PPARGC1A: variants seen among roughly 807,000 people sequenced by gnomAD.
PPARGC1A encodes the protein peroxisome proliferator-activated receptor gamma coactivator 1-alpha.
Under a neutral mutation model 88.7 loss-of-function variants are expected in PPARGC1A, and 25 were observed. That is an observed-to-expected ratio of 0.28 (90% confidence interval 0.21 to 0.39). The LOEUF (loss-of-function observed/expected upper bound fraction) is 0.39. Among genes scored for constraint, PPARGC1A ranks in the 10% least tolerant of loss-of-function variants. The pLI is 1.00. For missense variants in PPARGC1A, 880 were observed against 968.7 expected (o/e 0.91, Z 1.22); for synonymous variants, 363 against 355.6 (o/e 1.02, Z -0.24).
the PPARGC1A span, among the ~76,000 whole-genome samples, chr4:24,266,528 T>G: frequency 1.3e-5 from 2 of 152,076 alleles, no homozygotes; most frequent in Non-Finnish European, 2.9e-5. Context: ...GTCAAGGAAC[T>G]TACATTATCC....
the PPARGC1A span, among the ~76,000 whole-genome samples, chr4:24,453,640 C>T: frequency 0.22 from 33,297 of 152,074 alleles, 4,198 homozygotes; most frequent in Non-Finnish European, 0.27. Flanking sequence ...ATTAGCTGGG[C>T]GTGGTGGCAC....
the PPARGC1A span, among the ~76,000 whole-genome samples, chr4:24,046,078 G>A: frequency 6.6e-6 from 1 of 152,102 alleles, no homozygotes; most frequent in African/African-American, 2.4e-5. Context: ...AGAAGATATA[G>A]AGTAACAATG....
At chr4:24,244,470 G>A in the PPARGC1A span, among the ~76,000 whole-genome samples, 1 of 152,132 alleles carries the variant, frequency 6.6e-6, no homozygotes, top group Non-Finnish European at 1.5e-5. Flanking sequence ...GCTTAGAAAG[G>A]CTAACTACCT....
chr4:24,182,567 T>A, the PPARGC1A span, among the ~76,000 whole-genome samples: 1 of 152,130 alleles, frequency 6.6e-6, no homozygotes, highest in African/African-American at 2.4e-5. Context: ...CTTGAGGAAC[T>A]GCCACACTGT....
At chr4:24,080,769 T>G in the PPARGC1A span, among the ~76,000 whole-genome samples, 1 of 152,080 alleles carries the variant, frequency 6.6e-6, no homozygotes, top group Non-Finnish European at 1.5e-5. Flanking sequence ...GGGTTTAGAG[T>G]AGAAATATAT....
the PPARGC1A span, among the ~76,000 whole-genome samples, chr4:24,212,793 C>G: frequency 6.6e-5 from 10 of 152,292 alleles, 1 homozygote; most frequent in South Asian, 1.7e-3. Flanking sequence ...CTTGGCAGCC[C>G]ACACGTATCC....
At chr4:24,464,537 CT>C in the PPARGC1A span, among the ~76,000 whole-genome samples, 1 of 152,102 alleles carries the variant, frequency 6.6e-6, no homozygotes, top group Non-Finnish European at 1.5e-5. Context: ...TTCTTTGCAT[CT>C]TTTTTGCTTG....
At chr4:24,388,153 A>AC in the PPARGC1A span, among the ~76,000 whole-genome samples, 1 of 151,492 alleles carries the variant, frequency 6.6e-6, no homozygotes, top group East Asian at 1.9e-4. Context: ...GAAAAAAAAA[A>AC]CATCAAAAAG....
At chr4:24,397,960 T>A in the PPARGC1A span, among the ~76,000 whole-genome samples, 1 of 152,226 alleles carries the variant, frequency 6.6e-6, no homozygotes, top group Admixed American at 6.5e-5. Context: ...CTTCCTACAC[T>A]GAATATGAGC....
At chr4:24,012,834 A>C in the PPARGC1A span, among the ~76,000 whole-genome samples, 1 of 152,194 alleles carries the variant, frequency 6.6e-6, no homozygotes, top group Non-Finnish European at 1.5e-5. Flanking sequence ...ATTTATTTGC[A>C]GCATTCCTTT....
chr4:24,186,604 G>T, the PPARGC1A span, among the ~76,000 whole-genome samples: 2 of 152,148 alleles, frequency 1.3e-5, no homozygotes, highest in Admixed American at 1.3e-4. Flanking sequence ...GTCAGGTGGT[G>T]AGGAAGGGCT....
the PPARGC1A span, among the ~76,000 whole-genome samples, chr4:24,072,094 C>T: frequency 2.4e-4 from 35 of 147,842 alleles, no homozygotes; most frequent in African/African-American, 8.4e-4. Flanking sequence ...TAGTATTAGT[C>T]CTCTTCAATA....
At chr4:24,263,456 T>TACACACACACACACACAC in the PPARGC1A span, among the ~76,000 whole-genome samples, 12 of 150,190 alleles carry the variant, frequency 8.0e-5, no homozygotes, top group Admixed American at 2.0e-4. Flanking sequence ...TGTGGGTGTA[T>TACACACACACACACACAC]ACACACACAC....
the PPARGC1A span, among the ~76,000 whole-genome samples, chr4:24,428,182 C>G: frequency 6.6e-6 from 1 of 152,000 alleles, no homozygotes; most frequent in Non-Finnish European, 1.5e-5. Flanking sequence ...CTGAGAAGCT[C>G]TGGTCTAGAT....
At chr4:23,852,042 C>A (rs1246743116) in intron 2 of PPARGC1A, among the ~76,000 whole-genome samples, 1 of 152,146 alleles carries the variant, frequency 6.6e-6, no homozygotes, top group Non-Finnish European at 1.5e-5. Flanking sequence ...CTAGTTTTCT[C>A]CATCAATTCA....
At chr4:24,376,851 T>C in the PPARGC1A span, among the ~76,000 whole-genome samples, 2 of 152,182 alleles carry the variant, frequency 1.3e-5, no homozygotes, top group Non-Finnish European at 1.5e-5. Flanking sequence ...AGGTTAAGGA[T>C]ACCCCTTTCA....
chr4:24,309,113 T>A, the PPARGC1A span, among the ~76,000 whole-genome samples: 1 of 151,614 alleles, frequency 6.6e-6, no homozygotes. Flanking sequence ...GGACTGCTTT[T>A]CACAAGGTTC....
At chr4:23,913,375 T>G in the PPARGC1A span, among the ~76,000 whole-genome samples, 1 of 151,002 alleles carries the variant, frequency 6.6e-6, no homozygotes, top group African/African-American at 2.4e-5. Flanking sequence ...ATTCTCTCTA[T>G]ATGGCAGGAG....
At chr4:23,797,358 A>C (rs1408997949) in intron 12 of PPARGC1A, among the ~76,000 whole-genome samples, 1 of 80,928 alleles carries the variant, frequency 1.2e-5, no homozygotes, top group African/African-American at 3.6e-5. Context: ...TTGTAGAGAC[A>C]AAAAAAAAAA....
Sources: gnomAD v4.1 joint callset for allele counts (sites outside exome capture counted in the v4.1 genomes callset) on GRCh38, gnomAD v4.1.1 for gene constraint, MANE v1.5 for transcripts, NCBI Gene and HGNC (gene_info 2026-07-23, HGNC 2026-07-21) for gene names.